CC2D2A: variants seen among roughly 807,000 people sequenced by gnomAD.
CC2D2A encodes the protein coiled-coil and C2 domain containing 2A, also known as coiled-coil and C2 domain-containing protein 2A.
CC2D2A carries 155 observed loss-of-function variants against 212.9 expected under a neutral mutation model. The ratio of observed to expected loss-of-function variants is 0.73; its 90% CI spans 0.64 to 0.83. CC2D2A has a LOEUF of 0.83. Among genes scored for constraint, CC2D2A ranks in the 40% least tolerant of loss-of-function variants. The pLI is 0.00. For missense variants in CC2D2A, 1,856 were observed against 1,956.2 expected (o/e 0.95, Z 0.97); for synonymous variants, 667 against 686.5 (o/e 0.97, Z 0.44).
At chr4:15,490,822 CCTAATTGGTTATT>C (rs1018468016) in intron 4 of CC2D2A, among the ~76,000 whole-genome samples, 1 of 152,032 alleles carries the variant, frequency 6.6e-6, no homozygotes, top group Non-Finnish European at 1.5e-5. Flanking sequence ...CGACCCCTGA[CCTAATTGGTTATT>C]TTCATAAGAA....
intron 34 of CC2D2A, among the ~76,000 whole-genome samples, chr4:15,596,855 C>T (rs11726647): frequency 0.21 from 31,171 of 151,952 alleles, 3,449 homozygotes; most frequent in Non-Finnish European, 0.25. Context: ...TTATGTAACA[C>T]GATGGAATAT....
At chr4:15,497,050 T>C (rs367797714) in intron 4 of CC2D2A, among the ~76,000 whole-genome samples, 4 of 152,250 alleles carry the variant, frequency 2.6e-5, no homozygotes, top group Middle Eastern at 3.4e-3. Context: ...TGCACAGAAT[T>C]AGAAAAAACT....
intron 6 of CC2D2A, among the ~76,000 whole-genome samples, chr4:15,505,623 G>A (rs1703634583): frequency 6.6e-6 from 1 of 152,186 alleles, no homozygotes; most frequent in Non-Finnish European, 1.5e-5. Context: ...CCACCAGAAT[G>A]GCACCTCGTC....
intron 18 of CC2D2A, among the ~76,000 whole-genome samples, chr4:15,552,091 A>G (rs969088515): frequency 2.6e-5 from 4 of 152,204 alleles, no homozygotes; most frequent in African/African-American, 9.6e-5. Context: ...ATCTAGAGTT[A>G]CTTCATTTAG....
At chr4:15,512,240 A>G (rs1004453290) in intron 8 of CC2D2A, among the ~76,000 whole-genome samples, 6 of 152,234 alleles carry the variant, frequency 3.9e-5, no homozygotes, top group African/African-American at 1.4e-4. Context: ...GAAGACAAGA[A>G]TTTGAACATA....
Position 15,538,059 on chromosome 4 carries a change from G to A in CC2D2A, c.1925G>A (p.Arg642Lys), listed in dbSNP as rs1464620968. The stretch of plus-strand genomic sequence containing the variant: ...GTGAGGGAGAGAGCAGCCCAGAGCA[G>A]GAGGAGGCCTTGGGAGCCCACGCTG... ...QEVRERAAQS[R>K]RRPWEPTLVP... The change falls in exon 16 of 37, where the codon AGG becomes AAG. Residue 642 changes from arginine to lysine, a missense_variant. Physicochemically the swap from Arg to Lys is conservative, Grantham distance 26. Transcript: ENST00000424120. 1 of 1,608,154 alleles carries A rather than the reference G, an allele frequency of 6.2e-7. No homozygotes were observed. The highest frequency in any genetic ancestry group is 8.5e-7 in the Non-Finnish European group (1 of 1,177,536).
Position 15,502,518 on chromosome 4 carries a change from G to T in CC2D2A, c.336+1G>T, listed in dbSNP as rs1560153091. 6.3e-7 allele frequency: 1 copy of T among 1,595,916 alleles called. No individual in the cohort carries two copies. Among genetic ancestry groups the T allele is most frequent in the Non-Finnish European group, 8.5e-7 (1 of 1,175,002 alleles). ...GAGGGAGAAATTGCAAGCAGCGAGG[G>T]TGAGAGAAACCACATGAATATTCTG... On this transcript the variant is annotated splice_donor_variant, in intron 5 of 36. Transcript: ENST00000424120. LOFTEE classifies it high-confidence loss of function.
In CC2D2A at chr4:15,546,800, G is replaced by A. The variant is rs1038254391; in HGVS notation, c.2182-4024G>A. On this transcript the variant is annotated intron_variant, in intron 17 of 36. Coordinates refer to ENST00000424120, the MANE Select transcript of CC2D2A (RefSeq NM_001378615.1). ...GAGGGCTGGTAGGAAGTCGGGTGGC[G>A]GCTGCAGGGAAGATGGGTTGCATGA... Among the ~76,000 whole-genome samples the A allele has an allele frequency of 3.3e-5, 5 of 152,274 alleles. No homozygotes were observed. In the South Asian group the frequency reaches 6.2e-4, roughly 19 times the overall value.
intron 3 of CC2D2A, chr4:15,479,290 T>A: frequency 6.5e-7 from 1 of 1,537,176 alleles, no homozygotes; most frequent in Non-Finnish European, 8.7e-7. Context: ...GTTCCCCTCC[T>A]AGGCTGGGAG....
intron 3 of CC2D2A, among the ~76,000 whole-genome samples, 172 bp downstream of exon 3, chr4:15,478,978 G>A (rs931730321): frequency 6.6e-6 from 1 of 152,116 alleles, no homozygotes; most frequent in African/African-American, 2.4e-5. Flanking sequence ...CAGGGTGCAG[G>A]AGCCTGATTC....
At chr4:15,565,733 C>G (rs1258141293) in intron 24 of CC2D2A, among the ~76,000 whole-genome samples, 1 of 152,134 alleles carries the variant, frequency 6.6e-6, no homozygotes, top group African/African-American at 2.4e-5. Context: ...CTCAACCTCC[C>G]AAGTAGCTAA....
chr4:15,588,889 ATAAATAAATAATAATT>A (rs913479466), intron 32 of CC2D2A, among the ~76,000 whole-genome samples: 6 of 151,732 alleles, frequency 4.0e-5, no homozygotes, highest in African/African-American at 1.2e-4. Context: ...GATAACAATA[ATAAATAAATAATAATT>A]TAAATAAATA....
intron 27 of CC2D2A, 146 bp downstream of exon 27, chr4:15,569,535 C>A: frequency 1.7e-6 from 1 of 597,476 alleles, no homozygotes; most frequent in Non-Finnish European, 3.0e-6. Flanking sequence ...CAGAGCGAGT[C>A]CACAGTGCAA....
intron 6 of CC2D2A, among the ~76,000 whole-genome samples, chr4:15,506,224 T>C (rs190148786): frequency 1.9e-3 from 289 of 152,334 alleles, no homozygotes; most frequent in Middle Eastern, 6.8e-3. Flanking sequence ...GTATAATTAA[T>C]GGCCTTAAAT....
chr4:15,478,433 C>T (rs1476322671), intron 2 of CC2D2A, among the ~76,000 whole-genome samples: 1 of 152,200 alleles, frequency 6.6e-6, no homozygotes, highest in Non-Finnish European at 1.5e-5. Context: ...GAGCATGGAA[C>T]ATAGTAAATG....
Position 15,471,456 on chromosome 4 carries a change from C to T in CC2D2A, c.-19+1399C>T, listed in dbSNP as rs1009038503. Among the ~76,000 whole-genome samples the T allele has an allele frequency of 1.1e-4, 16 of 152,178 alleles. No homozygotes were observed. The East Asian group carries it at 2.7e-3, about 26-fold the overall frequency. On this transcript the variant is annotated intron_variant, in intron 1 of 36. Coordinates refer to ENST00000424120, the MANE Select transcript of CC2D2A (RefSeq NM_001378615.1). Reference sequence around the variant, plus strand: ...TTCTATCCCCCAAGCTCTTTTCCCTCCTCATTCCTTTTTTCCACTTTCCCT... The same window carrying T: ...TTCTATCCCCCAAGCTCTTTTCCCTTCTCATTCCTTTTTTCCACTTTCCCT...
At chr4:15,599,767 C>A in intron 36 of CC2D2A, 61 bp downstream of exon 36, 1 of 1,334,316 alleles carries the variant, frequency 7.5e-7, no homozygotes, top group Non-Finnish European at 1.0e-6. Flanking sequence ...TGGAAATTAG[C>A]CAATAATAGG....
chr4:15,505,496 G>A (rs1040619975), intron 6 of CC2D2A, among the ~76,000 whole-genome samples: 8 of 152,098 alleles, frequency 5.3e-5, no homozygotes, highest in East Asian at 1.9e-4. Context: ...CCAGGTGTCC[G>A]ATAGGCTCAG....
rs201690005 is a variant in CC2D2A at position 15,581,187 on chromosome 4, CA to C, written c.3975+1024del. ...TATCTTTTTGTAGATATAGATGTAT[CA>C]AAAAAAACCCCACTTTGTGTTCTAC... On this transcript the variant is annotated intron_variant, in intron 30 of 36. Transcript: ENST00000424120. Among the ~76,000 whole-genome samples the C allele has an allele frequency of 5.9e-5, 9 of 151,710 alleles. No individual in the cohort carries two copies. The East Asian group carries it at 1.4e-3, about 23-fold the overall frequency.
Sources: gnomAD v4.1 joint callset for allele counts (sites outside exome capture counted in the v4.1 genomes callset) on GRCh38, gnomAD v4.1.1 for gene constraint, MANE v1.5 for transcripts, NCBI Gene and HGNC (gene_info 2026-07-23, HGNC 2026-07-21) for gene names.